The following DLG2 variants were observed in gnomAD, a reference collection of about 807,000 sequenced individuals.
The protein encoded by DLG2 is discs large MAGUK scaffold protein 2.
DLG2 carries 45 observed loss-of-function variants against 132.5 expected under a neutral mutation model. The ratio of observed to expected loss-of-function variants is 0.34; its 90% CI spans 0.27 to 0.44. DLG2 has a LOEUF of 0.44. Among genes scored for constraint, DLG2 ranks in the 20% least tolerant of loss-of-function variants. The pLI is 1.00. For missense variants in DLG2, 1,045 were observed against 1,196.9 expected (o/e 0.87, Z 1.87); for synonymous variants, 424 against 419.6 (o/e 1.01, Z -0.13).
At chr11:85,183,567 T>G (rs2079878358) in intron 4 of DLG2, among the ~76,000 whole-genome samples, 1 of 151,882 alleles carries the variant, frequency 6.6e-6, no homozygotes, top group South Asian at 2.1e-4. Context: ...ACATCAAATC[T>G]TGGCTGTGGT....
intron 6 of DLG2, among the ~76,000 whole-genome samples, chr11:84,728,418 C>T (rs1315370033): frequency 6.6e-6 from 1 of 152,152 alleles, no homozygotes; most frequent in Non-Finnish European, 1.5e-5. Context: ...GTTGAACCAG[C>T]CTTACATCCC....
intron 6 of DLG2, among the ~76,000 whole-genome samples, chr11:85,016,683 C>A (rs1330967123): frequency 6.6e-6 from 1 of 152,110 alleles, no homozygotes; most frequent in African/African-American, 2.4e-5. Flanking sequence ...GTCCTTTAAT[C>A]AACTTCCCCT....
intron 11 of DLG2, among the ~76,000 whole-genome samples, chr11:84,055,351 G>A (rs1367119241): frequency 6.6e-6 from 1 of 151,934 alleles, no homozygotes; most frequent in South Asian, 2.1e-4. Flanking sequence ...CAATTCATTC[G>A]CTTCATAGCA....
intron 3 of DLG2, among the ~76,000 whole-genome samples, chr11:85,437,281 T>A (rs1254111630): frequency 6.6e-6 from 1 of 151,094 alleles, no homozygotes; most frequent in Non-Finnish European, 1.5e-5. Context: ...CAAACCTGCA[T>A]GTTCTGCTCA....
chr11:85,461,999 C>G (rs2092630780), intron 3 of DLG2, among the ~76,000 whole-genome samples: 1 of 152,202 alleles, frequency 6.6e-6, no homozygotes, highest in African/African-American at 2.4e-5. Flanking sequence ...AGGATATTAA[C>G]AGATACTTCT....
At chr11:85,339,541 A>G (rs2082346325) in intron 3 of DLG2, among the ~76,000 whole-genome samples, 2 of 152,322 alleles carry the variant, frequency 1.3e-5, no homozygotes, top group Middle Eastern at 3.4e-3. Context: ...ATTTTTTATA[A>G]GGGAAAAAAT....
chr11:83,986,494 A>C (rs1162080195), intron 11 of DLG2, among the ~76,000 whole-genome samples: 1 of 149,642 alleles, frequency 6.7e-6, no homozygotes, highest in South Asian at 2.2e-4. Flanking sequence ...AGTCTTTGCT[A>C]TTGTGAATAG....
chr11:84,639,351 T>G (rs899486881), intron 6 of DLG2, among the ~76,000 whole-genome samples: 1 of 83,308 alleles, frequency 1.2e-5, no homozygotes, highest in Non-Finnish European at 2.5e-5. Context: ...TATCTGTGTT[T>G]TTTTTTTTTT....
chr11:84,071,859 CTG>C (rs2096761973), intron 10 of DLG2, among the ~76,000 whole-genome samples: 1 of 152,176 alleles, frequency 6.6e-6, no homozygotes, highest in Non-Finnish European at 1.5e-5. Context: ...GGGAGAATTT[CTG>C]TGATTTCTGC....
At chr11:83,852,012 G>T (rs1306476144) in intron 16 of DLG2, among the ~76,000 whole-genome samples, 1 of 152,074 alleles carries the variant, frequency 6.6e-6, no homozygotes, top group Non-Finnish European at 1.5e-5. Flanking sequence ...GAGTGGTGCA[G>T]CTGCAAACCA....
At chr11:85,211,033 T>TATTCA (rs2082220301) in intron 4 of DLG2, among the ~76,000 whole-genome samples, 2 of 152,156 alleles carry the variant, frequency 1.3e-5, no homozygotes, top group African/African-American at 4.8e-5. Context: ...CAATAAAACT[T>TATTCA]ATAGCATATT....
chr11:84,950,050 C>T lies in DLG2; in HGVS notation c.357+161611G>A, dbSNP rs145415334. Among the ~76,000 whole-genome samples, 74 of 152,270 alleles carry T rather than the reference C, an allele frequency of 4.9e-4. 2 individuals are homozygous for T. Among genetic ancestry groups the T allele is most frequent in the African/African-American group, 1.5e-3 (61 of 41,552 alleles). Reference sequence around the variant, plus strand: ...CACGTTCTTCTGCCATGGCTTCAGCCGGACCCTCCGTTTGGGGTCCCTGAC... The same window carrying T: ...CACGTTCTTCTGCCATGGCTTCAGCTGGACCCTCCGTTTGGGGTCCCTGAC... On this transcript the variant is annotated intron_variant, in intron 6 of 27. Transcript: ENST00000376104.
At chr11:83,973,358 C>T (rs1437580845) in intron 12 of DLG2, among the ~76,000 whole-genome samples, 1 of 151,940 alleles carries the variant, frequency 6.6e-6, no homozygotes, top group Non-Finnish European at 1.5e-5. Context: ...AGGTTCTAAC[C>T]CTTAAATAAA....
At chr11:83,663,966 T>C (rs751385604) in intron 18 of DLG2, among the ~76,000 whole-genome samples, 24 of 152,116 alleles carry the variant, frequency 1.6e-4, no homozygotes, top group African/African-American at 5.6e-4. Context: ...CTGATCTGGG[T>C]TTTCATCCTG....
rs772149053 is a variant in DLG2, at chr11:84,924,100, G to GA, written c.357+187560dup. Among the ~76,000 whole-genome samples, 928 of 146,656 alleles carry GA rather than the reference G, an allele frequency of 6.3e-3. 3 individuals are homozygous for GA. The highest frequency in any genetic ancestry group is 0.01 in the Non-Finnish European group (688 of 66,322). ...GCTTCTGCCCCTATAAGTCCGTAAG[G>GA]AAAAAAAAAAATTAAAAACATCCGT... On this transcript the variant is annotated intron_variant, in intron 6 of 27. Coordinates refer to ENST00000376104, the MANE Select transcript of DLG2 (RefSeq NM_001142699.3).
intron 7 of DLG2, among the ~76,000 whole-genome samples, chr11:84,412,828 A>G (rs1240509092): frequency 1.3e-5 from 2 of 152,104 alleles, no homozygotes; most frequent in East Asian, 1.9e-4. Flanking sequence ...TGTTCTGAGG[A>G]CTGCAGGCCC....
intron 2 of DLG2, among the ~76,000 whole-genome samples, chr11:85,623,286 A>G (rs1268017648): frequency 2.0e-5 from 3 of 152,148 alleles, no homozygotes; most frequent in Non-Finnish European, 4.4e-5. Flanking sequence ...CCAGTTTAAA[A>G]GAAGCTCCGA....
intron 3 of DLG2, among the ~76,000 whole-genome samples, chr11:85,425,045 C>CAAAAAA (rs57698826): frequency 0.85 from 128,183 of 151,368 alleles, 54,657 homozygotes; most frequent in Middle Eastern, 0.92. Context: ...AACAAAAAAA[C>CAAAAAA]AAACCCACCA....
intron 6 of DLG2, among the ~76,000 whole-genome samples, chr11:84,941,414 T>C (rs1008161724): frequency 6.6e-6 from 1 of 152,186 alleles, no homozygotes; most frequent in African/African-American, 2.4e-5. Context: ...GTTTCTTTCT[T>C]CAGTGTTTTG....
Sources: gnomAD v4.1 joint callset for allele counts (sites outside exome capture counted in the v4.1 genomes callset) on GRCh38, gnomAD v4.1.1 for gene constraint, MANE v1.5 for transcripts, NCBI Gene and HGNC (gene_info 2026-07-23, HGNC 2026-07-21) for gene names.